MICAL3: variants seen among roughly 807,000 people sequenced by gnomAD.
The protein encoded by MICAL3 is microtubule associated monooxygenase, calponin and LIM domain containing 3, also known as [F-actin]-monooxygenase MICAL3.
MICAL3 carries 62 observed loss-of-function variants against 207.4 expected under a neutral mutation model. That is an observed-to-expected ratio of 0.30 (90% CI 0.24 to 0.37). The LOEUF (loss-of-function observed/expected upper bound fraction) is 0.37, where lower values mean the gene tolerates loss of function less well. MICAL3 is among the 10% of genes least tolerant of loss of function. The probability of loss-of-function intolerance (pLI) is 1.00; values close to 1 mark genes in which losing one functional copy is unlikely to be tolerated. For synonymous variants in MICAL3, 1,077 were observed against 1,069.3 expected (o/e 1.01, Z -0.14); for missense variants, 2,368 against 2,635.6 (o/e 0.90, Z 2.22).
At chr22:17,996,276 A>G (rs551213841) in intron 1 of MICAL3, among the ~76,000 whole-genome samples, 19 of 147,422 alleles carry the variant, frequency 1.3e-4, no homozygotes, top group African/African-American at 4.7e-4. Flanking sequence ...TGTCTCTACT[A>G]AAAAAAAAAT....
intron 21 of MICAL3, among the ~76,000 whole-genome samples, chr22:17,830,589 C>A (rs1041849110): frequency 6.6e-6 from 1 of 152,228 alleles, no homozygotes; most frequent in Non-Finnish European, 1.5e-5. Context: ...CATGCTCACT[C>A]TGCTGGCTAG....
intron 1 of MICAL3, among the ~76,000 whole-genome samples, chr22:18,017,821 G>A (rs1303154522): frequency 1.3e-5 from 2 of 149,366 alleles, no homozygotes; most frequent in African/African-American, 4.9e-5. Context: ...CTCGATCTCC[G>A]CTCACTGCAA....
At chr22:17,814,932 G>A (rs1569076265) in intron 27 of MICAL3, 1 of 146,392 alleles carries the variant, frequency 6.8e-6, no homozygotes, top group Non-Finnish European at 1.5e-5. Context: ...TAGCTCGACT[G>A]TCCCCTAGGT....
At chr22:17,865,107 T>TTATG (rs1281489200) in intron 18 of MICAL3, 121 bp from the exon 19 acceptor site, 2 of 707,350 alleles carry the variant, frequency 2.8e-6, no homozygotes, top group African/African-American at 1.9e-5. Flanking sequence ...ATTTATTTAT[T>TTATG]TATTTATTTA....
chr22:17,967,488 ACACACCCACACACACC>A (rs1569150709), intron 1 of MICAL3, among the ~76,000 whole-genome samples: 4 of 116,922 alleles, frequency 3.4e-5, no homozygotes, highest in Admixed American at 8.5e-5. Context: ...ACACACACAC[ACACACCCACACACACC>A]CACTCATGCC....
rs1431662923 is a variant in MICAL3 at position 17,896,879 on chromosome 22, G to A, written c.1051C>T (p.Leu351=). ...TTGATGGCAAAATCCAGAGACGGCA[G>A]CTGCTGCTGGGTAGAGAAGTCTGCC... ...EAADFSTQQQ[L]PSLDFAINHY... is the part of the protein sequence containing the mutation. The change falls in exon 8 of 32, where the codon CTG becomes TTG. Residue 351 remains leucine (L), a synonymous_variant. Coordinates refer to ENST00000441493, the MANE Select transcript of MICAL3 (RefSeq NM_015241.3). 1 of 1,613,982 alleles carries A rather than the reference G, an allele frequency of 6.2e-7. No homozygotes were observed. The highest frequency in any genetic ancestry group is 2.2e-5 in the East Asian group (1 of 44,904).
intron 29 of MICAL3, among the ~76,000 whole-genome samples, chr22:17,791,894 A>G (rs1310706430): frequency 6.6e-6 from 1 of 152,216 alleles, no homozygotes; most frequent in Non-Finnish European, 1.5e-5. Context: ...TGGATCCCGC[A>G]TGGTCGATGC....
At chr22:17,943,700 AATAATAGCTTTGCT>A (rs1933917378) in intron 1 of MICAL3, among the ~76,000 whole-genome samples, 1 of 152,244 alleles carries the variant, frequency 6.6e-6, no homozygotes, top group Admixed American at 6.5e-5. Context: ...ACAAAAGAGC[AATAATAGCTTTGCT>A]GTCTGCTGTT....
chr22:17,888,646 G>A (rs192971377), intron 13 of MICAL3, among the ~76,000 whole-genome samples: 4 of 152,298 alleles, frequency 2.6e-5, no homozygotes, highest in Admixed American at 6.5e-5. Context: ...CTGCAGTAGC[G>A]CGGTATGAAG....
At chr22:17,982,454 C>T (rs1302508569) in intron 1 of MICAL3, among the ~76,000 whole-genome samples, 3 of 152,072 alleles carry the variant, frequency 2.0e-5, no homozygotes, top group Non-Finnish European at 4.4e-5. Context: ...GGGTGGATCA[C>T]GAGGAAAGGA....
intron 19 of MICAL3, among the ~76,000 whole-genome samples, chr22:17,845,500 T>G (rs1924538169): frequency 6.6e-6 from 1 of 151,998 alleles, no homozygotes; most frequent in East Asian, 1.9e-4. Flanking sequence ...TATGCACTCA[T>G]GGGAGAACAT....
chr22:17,807,859 C>A (rs976830580), intron 29 of MICAL3, among the ~76,000 whole-genome samples: 32 of 152,362 alleles, frequency 2.1e-4, no homozygotes, highest in African/African-American at 7.7e-4. Flanking sequence ...GCACCCTGCT[C>A]CCCTCTGCCA....
At chr22:17,870,316 C>T (rs1014146346) in intron 17 of MICAL3, among the ~76,000 whole-genome samples, 6 of 152,164 alleles carry the variant, frequency 3.9e-5, no homozygotes, top group Non-Finnish European at 5.9e-5. Flanking sequence ...TCCCAAGATG[C>T]TCTTGAACTT....
At chr22:17,842,206 G>A in intron 19 of MICAL3, 189 bp from the exon 20 acceptor site, 1 of 612,294 alleles carries the variant, frequency 1.6e-6, no homozygotes, top group African/African-American at 1.8e-5. Context: ...CTCTGCAGGA[G>A]AAAGGAAGGT....
rs372448473 is a variant in MICAL3, at chr22:17,884,496, C to T, written c.2241+1382G>A. 6.5e-5 allele frequency: 41 copies of T among 629,264 alleles called. No individual in the cohort carries two copies. The South Asian group carries it at 7.4e-4, about 11-fold the overall frequency. The allele number at this position is 629,264 out of a possible 1,614,324, so 39.0% of individuals were successfully genotyped here. ...CTGTGAACTGTGGGGAAGAGGGGGA[C>T]TCATTCTTAGAAAGTTACACTTCTA... On this transcript the variant is annotated intron_variant, in intron 16 of 31. Transcript: ENST00000441493.
In MICAL3 at chr22:17,858,059, G is replaced by C. The variant is rs189485840; in HGVS notation, c.2605+6840C>G. Among the ~76,000 whole-genome samples, 181 of 152,316 alleles carry C rather than the reference G, an allele frequency of 1.2e-3. 1 individual carries two copies. The highest frequency in any genetic ancestry group is 3.4e-3 in the Middle Eastern group (1 of 294). On this transcript the variant is annotated intron_variant, in intron 19 of 31. Transcript: ENST00000441493. ...AAGTTGGCCCACAGGAAGTAAAATG[G>C]AGCTGGTGTTCACGTGGCTGGTAGA...
intron 16 of MICAL3, among the ~76,000 whole-genome samples, chr22:17,878,537 G>A (rs1602130878): frequency 6.6e-6 from 1 of 152,178 alleles, no homozygotes; most frequent in South Asian, 2.1e-4. Context: ...CTAATTTACT[G>A]CTTGGCCATA....
In MICAL3 at chr22:17,877,409, A is replaced by G. The variant is rs369661471; in HGVS notation, c.2242-5386T>C. On this transcript the variant is annotated intron_variant, in intron 16 of 31. Coordinates refer to ENST00000441493, the MANE Select transcript of MICAL3 (RefSeq NM_015241.3). The stretch of plus-strand genomic sequence containing the variant: ...TTATGGAGGTTAGGGAGGTTAGGGA[A>G]GTTATGGAGGTTAGGGAGATTATGG... 5.6e-3 allele frequency among the ~76,000 whole-genome samples: 252 copies of G among 45,402 alleles called. 1 individual carries two copies. Among genetic ancestry groups the G allele is most frequent in the Middle Eastern group, 0.032 (2 of 62 alleles). 29.8% of individuals were successfully genotyped at this position (45,402 alleles called of 152,430 possible). A position where few individuals can be genotyped will look rare whatever the true frequency, so the allele number is the denominator to read the frequency against.
At chr22:17,862,596 C>CAACT in intron 19 of MICAL3, 1 of 985,350 alleles carries the variant, frequency 1.0e-6, no homozygotes, top group Middle Eastern at 5.2e-4. Context: ...AAAAGGAAGT[C>CAACT]TAGTTAAGTC....
Sources: gnomAD v4.1 joint callset for allele counts (sites outside exome capture counted in the v4.1 genomes callset) on GRCh38, gnomAD v4.1.1 for gene constraint, MANE v1.5 for transcripts, NCBI Gene and HGNC (gene_info 2026-07-23, HGNC 2026-07-21) for gene names.